The following RRM2B variants were observed in gnomAD, a reference collection of about 807,000 sequenced individuals.
The protein encoded by RRM2B is ribonucleoside-diphosphate reductase subunit M2 B.
Under a neutral mutation model 45.9 loss-of-function variants are expected in RRM2B, and 20 were observed. The ratio of observed to expected loss-of-function variants is 0.44; its 90% CI spans 0.31 to 0.63. The LOEUF (loss-of-function observed/expected upper bound fraction) is 0.63, where lower values mean the gene tolerates loss of function less well. RRM2B is among the 30% of genes least tolerant of loss of function. The pLI, the probability that RRM2B is intolerant of heterozygous loss-of-function variation, is 0.09. For missense variants in RRM2B, 320 were observed against 414.7 expected, an observed-to-expected ratio of 0.77 and a Z score of 1.98; for synonymous variants, 124 against 132.3, an observed-to-expected ratio of 0.94 and a Z score of 0.43.
chr8:102,228,993 C>T (rs1021379388), intron 2 of RRM2B, among the ~76,000 whole-genome samples: 1 of 152,226 alleles, frequency 6.6e-6, no homozygotes, highest in Non-Finnish European at 1.5e-5. Context: ...CGGTAGCTCA[C>T]GCCTGTAATC....
At chr8:102,227,142 G>A (rs1810945654) in intron 2 of RRM2B, among the ~76,000 whole-genome samples, 1 of 151,500 alleles carries the variant, frequency 6.6e-6, no homozygotes, top group Admixed American at 6.6e-5. Flanking sequence ...GCCATCACAG[G>A]TGGCCAACAA....
Position 102,238,822 on chromosome 8 carries a change from T to A in RRM2B, c.48+5A>T, listed in dbSNP as rs1209345552. On this transcript the variant is annotated splice_donor_5th_base_variant and intron_variant, in intron 1 of 8. Coordinates refer to ENST00000251810, the MANE Select transcript of RRM2B (RefSeq NM_015713.5). ...TGAGGGGGAAGACGCAACAGCAACA[T>A]TTACCTCATCCTGATCCAGCCCGGC... The A allele has an allele frequency of 6.2e-7, 1 of 1,613,728 alleles. No individual in the cohort carries two copies.
intron 8 of RRM2B, among the ~76,000 whole-genome samples, chr8:102,208,790 T>C (rs16869272): frequency 0.011 from 1,638 of 152,284 alleles, 21 homozygotes; most frequent in African/African-American, 0.036. Context: ...TTATCCATAG[T>C]GACTAGATGT....
At chr8:102,215,107 C>T (rs541113933) in intron 6 of RRM2B, among the ~76,000 whole-genome samples, 1 of 141,204 alleles carries the variant, frequency 7.1e-6, no homozygotes, top group South Asian at 2.3e-4. Context: ...AGAGAGAGGT[C>T]GGATATAGAA....
rs1368473715 is a variant in RRM2B at position 102,205,260 on chromosome 8, T to C, written c.*2873A>G. The C allele has an allele frequency of 6.6e-6, 1 of 152,206 alleles. No homozygotes were observed. The highest frequency in any genetic ancestry group is 1.5e-5 in the Non-Finnish European group (1 of 68,000). 9.4% of individuals were successfully genotyped at this position (152,206 alleles called of 1,614,324 possible). ...TTTGGGAATTCTATGACAGTGATGT[T>C]AGCATATTTAAATGTAAAATGCAAA... On this transcript the variant is annotated 3_prime_UTR_variant, in exon 9 of 9. Transcript: ENST00000251810.
At chr8:102,233,122 C>T (rs1208277044) in intron 1 of RRM2B, among the ~76,000 whole-genome samples, 1 of 152,096 alleles carries the variant, frequency 6.6e-6, no homozygotes, top group Non-Finnish European at 1.5e-5. Flanking sequence ...GTGTATAAAC[C>T]AGGATTAGAA....
intron 5 of RRM2B, among the ~76,000 whole-genome samples, chr8:102,223,513 C>T (rs183514948): frequency 6.6e-6 from 1 of 152,030 alleles, no homozygotes; most frequent in Admixed American, 6.5e-5. Context: ...GCCAACATGG[C>T]AAAACCCCCA....
At chr8:102,222,568 A>AT (rs894867168) in intron 5 of RRM2B, among the ~76,000 whole-genome samples, 22 of 151,524 alleles carry the variant, frequency 1.5e-4, no homozygotes, top group African/African-American at 2.7e-4. Flanking sequence ...TTAAGGCATT[A>AT]TTTTTTTTTA....
chr8:102,226,360 C>T (rs1810932376), intron 2 of RRM2B, among the ~76,000 whole-genome samples: 2 of 150,726 alleles, frequency 1.3e-5, no homozygotes, highest in African/African-American at 2.4e-5. Flanking sequence ...ATGTCATACA[C>T]CTTAAACATA....
At chr8:102,210,042 TAC>T (rs1810609220) in intron 8 of RRM2B, among the ~76,000 whole-genome samples, 1 of 152,210 alleles carries the variant, frequency 6.6e-6, no homozygotes, top group South Asian at 2.1e-4. Flanking sequence ...CTAATAGGGA[TAC>T]AGTTTCTTTA....
chr8:102,231,487 T>G (rs1371886283), intron 2 of RRM2B, among the ~76,000 whole-genome samples: 1 of 152,214 alleles, frequency 6.6e-6, no homozygotes, highest in East Asian at 1.9e-4. Context: ...ATTTTTTGAC[T>G]ACAGCTGCAA....
chr8:102,212,393 G>A (rs1198961457), intron 8 of RRM2B, among the ~76,000 whole-genome samples: 2 of 152,140 alleles, frequency 1.3e-5, no homozygotes, highest in African/African-American at 4.8e-5. Flanking sequence ...GACAGTTAAT[G>A]TCTTCCTAAT....
chr8:102,211,982 C>A (rs891557008), intron 8 of RRM2B, among the ~76,000 whole-genome samples: 5 of 152,148 alleles, frequency 3.3e-5, no homozygotes, highest in African/African-American at 9.7e-5. Flanking sequence ...TTTGAACTTA[C>A]ATTTTCATGA....
rs375993017 is a variant in RRM2B at position 102,232,145 on chromosome 8, G to A, written c.204+4C>T. The A allele has an allele frequency of 2.4e-5, 38 of 1,613,650 alleles. No individual in the cohort carries two copies. Among genetic ancestry groups the A allele is most frequent in the Non-Finnish European group, 3.0e-5 (35 of 1,179,694 alleles). ...TGAATGCTCTTGGAGGCAATGCCACGTACCTCTTCTGCTGTCCAGAAGGAA... is the reference window on the plus strand; with the variant it reads ...TGAATGCTCTTGGAGGCAATGCCACATACCTCTTCTGCTGTCCAGAAGGAA... On this transcript the variant is annotated splice_donor_region_variant and intron_variant, in intron 2 of 8. Coordinates refer to ENST00000251810, the MANE Select transcript of RRM2B (RefSeq NM_015713.5).
At chr8:102,233,930 C>A (rs765631404) in intron 1 of RRM2B, among the ~76,000 whole-genome samples, 25 of 152,208 alleles carry the variant, frequency 1.6e-4, no homozygotes, top group Non-Finnish European at 1.6e-4. Context: ...AAGCAATCCT[C>A]CTGTCTCAGC....
chr8:102,208,361 A>C, intron 8 of RRM2B, 76 bp from the exon 9 acceptor site: 1 of 1,065,670 alleles, frequency 9.4e-7, no homozygotes, highest in Non-Finnish European at 1.4e-6. Flanking sequence ...AGATGACCAA[A>C]ACAGAGGTCA....
intron 5 of RRM2B, among the ~76,000 whole-genome samples, chr8:102,219,720 A>G (rs772944305): frequency 7.2e-5 from 11 of 152,244 alleles, no homozygotes; most frequent in Non-Finnish European, 1.3e-4. Flanking sequence ...CATATGCCTG[A>G]GAAAAGTATT....
chr8:102,214,317 A>G (rs886446637), intron 6 of RRM2B, 159 bp from the exon 7 acceptor site: 1 of 654,876 alleles, frequency 1.5e-6, no homozygotes, highest in African/African-American at 1.8e-5. Context: ...CTTCTTTCAA[A>G]TCTCATTAAA....
chr8:102,211,325 A>T (rs930746743), intron 8 of RRM2B, among the ~76,000 whole-genome samples: 1 of 152,254 alleles, frequency 6.6e-6, no homozygotes. Flanking sequence ...CTCTAAGTAG[A>T]TTAAGCTTTT....
Sources: allele counts gnomAD v4.1 joint callset (sites outside exome capture counted in the v4.1 genomes callset), GRCh38; gene constraint gnomAD v4.1.1; transcripts MANE v1.5; gene names NCBI Gene and HGNC (gene_info 2026-07-23, HGNC 2026-07-21).